Variants in RCC1 observed in about 807,000 individuals in gnomAD.
RCC1 encodes the protein regulator of chromosome condensation.
RCC1 carries 11 observed loss-of-function variants against 44.4 expected under a neutral mutation model. The ratio of observed to expected loss-of-function variants is 0.25; its 90% CI spans 0.16 to 0.41. The LOEUF is 0.41. Ranked by LOEUF, RCC1 falls within the 10% of genes least tolerant of loss-of-function variation. The pLI, the probability that RCC1 is intolerant of heterozygous loss-of-function variation, is 1.00. For synonymous variants in RCC1, 213 were observed against 216.5 expected, an observed-to-expected ratio of 0.98 and a Z score of 0.14; for missense variants, 386 against 547.1, an observed-to-expected ratio of 0.71 and a Z score of 2.94.
intron 3 of RCC1, 174 bp downstream of exon 3, chr1:28,509,079 A>C (rs1044267803): frequency 5.5e-6 from 2 of 360,686 alleles, no homozygotes; most frequent in Non-Finnish European, 1.1e-5. Context: ...CTGGGATTAC[A>C]AACATAAGCC....
rs755277171 is a variant in RCC1, at chr1:28,532,351, G to A, written c.441+1G>A. 6.2e-7 allele frequency: 1 copy of A among 1,613,834 alleles called. No individual in the cohort carries two copies. Among genetic ancestry groups the A allele is most frequent in the Admixed American group, 1.7e-5 (1 of 59,998 alleles). On this transcript the variant is annotated splice_donor_variant, in intron 7 of 12. Transcript: ENST00000683442. LOFTEE classifies it high-confidence loss of function. ...TGTCTTCCTCTGGGGCTCCTTCCGG[G>A]TAAGGCTGGGTCTGAAAGTCTGCAT...
chr1:28,507,407 G>A (rs1233050426), intron 1 of RCC1: 1 of 519,104 alleles, frequency 1.9e-6, no homozygotes, highest in Admixed American at 1.9e-5. Flanking sequence ...CCCGGGCTCT[G>A]TCCAAGTGGC....
At chr1:28,511,542 TGTATTTTTA>T (rs1662541573) in intron 3 of RCC1, among the ~76,000 whole-genome samples, 1 of 151,958 alleles carries the variant, frequency 6.6e-6, no homozygotes, top group Admixed American at 6.6e-5. Context: ...CTAATTTTTT[TGTATTTTTA>T]GTAGAGAAGG....
At chr1:28,513,585 CTTT>C in intron 3 of RCC1, among the ~76,000 whole-genome samples, 1 of 146,694 alleles carries the variant, frequency 6.8e-6, no homozygotes, top group African/African-American at 2.5e-5. Flanking sequence ...AGGCTATTTA[CTTT>C]TTTTTTTTAA....
At chr1:28,513,712 G>A (rs2124612583) in intron 3 of RCC1, among the ~76,000 whole-genome samples, 1 of 152,096 alleles carries the variant, frequency 6.6e-6, no homozygotes, top group East Asian at 1.9e-4. Flanking sequence ...GGTCTCCTGA[G>A]TAGTGAAGAC....
rs139390034 is a variant in RCC1, at chr1:28,507,258, T to C, written c.-261-870T>C. 1,667 of 466,216 alleles carry C rather than the reference T, an allele frequency of 3.6e-3. 20 individuals are homozygous for C. The highest frequency in any genetic ancestry group is 0.031 in the African/African-American group (1,547 of 50,248). 28.9% of individuals were successfully genotyped at this position (466,216 alleles called of 1,614,324 possible). A position where few individuals can be genotyped will look rare whatever the true frequency, so the allele number is the denominator to read the frequency against. Reference sequence around the variant, plus strand: ...CCGATTTTTTTTTAACACCCCACTGTGGACAGGGTGGAAACTCGTTTGCTT... The same window carrying C: ...CCGATTTTTTTTTAACACCCCACTGCGGACAGGGTGGAAACTCGTTTGCTT... On this transcript the variant is annotated intron_variant, in intron 1 of 12. Transcript: ENST00000683442.
At chr1:28,534,977 C>T (rs1351468222) in intron 7 of RCC1, 73 bp from the exon 8 acceptor site, 14 of 1,164,592 alleles carry the variant, frequency 1.2e-5, no homozygotes, top group Non-Finnish European at 1.8e-5. Context: ...CATCTGGTGC[C>T]ACTGCCCTTC....
chr1:28,508,086 T>C (rs998906607), intron 1 of RCC1, 42 bp from the exon 2 acceptor site: 1 of 426,642 alleles, frequency 2.3e-6, no homozygotes, highest in East Asian at 7.3e-5. Flanking sequence ...TGAAAAAGTT[T>C]AGGGTTTTGC....
Position 28,538,197 on chromosome 1 carries a change from T to G in RCC1, c.*190T>G. 22 of 371,170 alleles carry G rather than the reference T, an allele frequency of 5.9e-5. No individual in the cohort carries two copies. Among genetic ancestry groups the G allele is most frequent in the East Asian group, 1.2e-4 (2 of 16,042 alleles). 23.0% of individuals were successfully genotyped at this position (371,170 alleles called of 1,614,324 possible). On this transcript the variant is annotated 3_prime_UTR_variant, in exon 13 of 13. Transcript: ENST00000683442. ...TCCTCTTTGGAATTTTCCTGGGACCTACAGAATAAAGGGGGGGATGGACAG... is the reference window on the plus strand; with the variant it reads ...TCCTCTTTGGAATTTTCCTGGGACCGACAGAATAAAGGGGGGGATGGACAG...
chr1:28,512,370 C>A (rs1041173380), intron 3 of RCC1, among the ~76,000 whole-genome samples: 9 of 152,120 alleles, frequency 5.9e-5, no homozygotes, highest in African/African-American at 2.2e-4. Context: ...TGGTTATTTT[C>A]CATTTTATGT....
In RCC1 at chr1:28,535,133, A is replaced by G; in HGVS notation, c.525A>G (p.Val175=). 1.2e-6 allele frequency: 2 copies of G among 1,614,144 alleles called. No individual in the cohort carries two copies. The highest frequency in any genetic ancestry group is 1.1e-5 in the South Asian group (1 of 91,090). Residue 175 remains valine (V), a synonymous_variant, in exon 8 of 13, where the codon GTA becomes GTG. Transcript: ENST00000683442. The part of the protein sequence containing the change: ...PVQVQLDVPV[V]KVASGNDHLV... ...AGGTGCAGCTGGATGTGCCTGTGGTAAAGGTGGCCTCAGGTGGGTCTGGGG... is the reference window on the plus strand; with the variant it reads ...AGGTGCAGCTGGATGTGCCTGTGGTGAAGGTGGCCTCAGGTGGGTCTGGGG...
intron 4 of RCC1, among the ~76,000 whole-genome samples, chr1:28,525,003 C>T (rs1219978338): frequency 6.6e-6 from 1 of 152,084 alleles, no homozygotes. Flanking sequence ...CAGCTGGGAG[C>T]TTTGGCAAGA....
At chr1:28,507,600 C>CTTTTTTTTTT (rs34452349) in intron 1 of RCC1, 2 of 275,442 alleles carry the variant, frequency 7.3e-6, no homozygotes, top group East Asian at 9.5e-5. Flanking sequence ...GGATTGAAGT[C>CTTTTTTTTTT]TTTTTTTTTT....
intron 5 of RCC1, among the ~76,000 whole-genome samples, chr1:28,531,428 G>A (rs1443694660): frequency 6.6e-6 from 1 of 151,736 alleles, no homozygotes; most frequent in Admixed American, 6.6e-5. Flanking sequence ...TGGCAAGGCT[G>A]GTCTCTTAAC....
chr1:28,525,469 T>C (rs770202504), intron 4 of RCC1, among the ~76,000 whole-genome samples: 106 of 152,150 alleles, frequency 7.0e-4, no homozygotes, highest in Non-Finnish European at 1.9e-4. Context: ...TGCATCCCCT[T>C]TTATAGATGA....
In RCC1 at chr1:28,506,660, C is replaced by G. The variant is rs555132309; in HGVS notation, c.-262+576C>G. 2.8e-4 allele frequency: 48 copies of G among 173,106 alleles called. 2 individuals carry two copies. The South Asian group carries it at 4.9e-3, about 18-fold the overall frequency. 10.7% of individuals were successfully genotyped at this position (173,106 alleles called of 1,614,324 possible). ...GTGCACCGCCACCCCCACTGTTTAT[C>G]TTACTGCCTCATAGTAGGCACATTG... On this transcript the variant is annotated intron_variant, in intron 1 of 12. Coordinates refer to ENST00000683442, the MANE Select transcript of RCC1 (RefSeq NM_001381865.2).
At chr1:28,510,020 AAACTTTGTC>A (rs1396581563) in intron 3 of RCC1, 1 of 152,122 alleles carries the variant, frequency 6.6e-6, no homozygotes, top group Non-Finnish European at 1.5e-5. Context: ...GTCACAATGG[AAACTTTGTC>A]AAGCCCCCTG....
chr1:28,510,277 T>C (rs72885742), intron 3 of RCC1: 2 of 152,372 alleles, frequency 1.3e-5, no homozygotes, highest in African/African-American at 4.8e-5. Context: ...TTACTAGCTA[T>C]GATTGTGGGG....
At chr1:28,506,643 C>A (rs903686137) in intron 1 of RCC1, 4 of 178,782 alleles carry the variant, frequency 2.2e-5, no homozygotes, top group Admixed American at 5.5e-5. Context: ...AGGTGCACCG[C>A]CACCCCCACT....
Sources: allele counts gnomAD v4.1 joint callset (sites outside exome capture counted in the v4.1 genomes callset), GRCh38; gene constraint gnomAD v4.1.1; transcripts MANE v1.5; gene names NCBI Gene and HGNC (gene_info 2026-07-23, HGNC 2026-07-21).